OTUD7A: variants seen among roughly 807,000 people sequenced by gnomAD.
OTUD7A encodes the protein OTU deubiquitinase 7A.
Under a neutral mutation model 65.7 loss-of-function variants are expected in OTUD7A, and 12 were observed. That is an observed-to-expected ratio of 0.18 (90% confidence interval 0.12 to 0.30). The LOEUF (loss-of-function observed/expected upper bound fraction) is 0.30, where lower values mean the gene tolerates loss of function less well. Among genes scored for constraint, OTUD7A ranks in the 10% least tolerant of loss-of-function variants. The pLI is 1.00. For synonymous variants in OTUD7A, 641 were observed against 586.3 expected, an observed-to-expected ratio of 1.09 and a Z score of -1.35; for missense variants, 1,148 against 1,304.8, an observed-to-expected ratio of 0.88 and a Z score of 1.85.
At chr15:31,574,829 C>T (rs1157234044) in intron 3 of OTUD7A, among the ~76,000 whole-genome samples, 3 of 152,098 alleles carry the variant, frequency 2.0e-5, no homozygotes, top group African/African-American at 7.2e-5. Context: ...ACCCCTCAAC[C>T]ACAGCCTTTC....
chr15:31,810,923 C>T (rs1371619038), intron 1 of OTUD7A, among the ~76,000 whole-genome samples: 2 of 152,220 alleles, frequency 1.3e-5, no homozygotes, highest in African/African-American at 4.8e-5. Flanking sequence ...ACACAGGGTA[C>T]TCTCTGATGA....
chr15:31,733,743 T>C (rs573441383), intron 1 of OTUD7A, among the ~76,000 whole-genome samples: 2 of 152,300 alleles, frequency 1.3e-5, no homozygotes, highest in Admixed American at 6.5e-5. Flanking sequence ...CAGGATGCTA[T>C]CTGAGTGCTC....
At chr15:31,754,626 A>C (rs1476305003) in intron 1 of OTUD7A, among the ~76,000 whole-genome samples, 1 of 151,886 alleles carries the variant, frequency 6.6e-6, no homozygotes. Flanking sequence ...TACTTTCCCC[A>C]CTTCGTTTTT....
At position 31,771,288 on chromosome 15, in the gene OTUD7A, T is replaced by A. The variant is rs539369558; in HGVS notation, c.-100+99219A>T. ...TGGTCTGGGTACCGGTTTATTGGAC[T>A]ATCTATTTGTCAGCTCCATTTAGAT... is the stretch of plus-strand genomic sequence containing the variant. On this transcript the variant is annotated intron_variant, in intron 1 of 12. Coordinates refer to ENST00000307050, the MANE Select transcript of OTUD7A (RefSeq NM_001382637.1). Among the ~76,000 whole-genome samples, 18 of 152,340 alleles carry A rather than the reference T, an allele frequency of 1.2e-4. 1 individual carries two copies. The highest frequency in any genetic ancestry group is 6.8e-3 in the Middle Eastern group (2 of 294).
At chr15:31,497,455 G>A (rs545437408) in intron 10 of OTUD7A, among the ~76,000 whole-genome samples, 2 of 152,042 alleles carry the variant, frequency 1.3e-5, no homozygotes, top group Non-Finnish European at 2.9e-5. Context: ...TCACCATGTT[G>A]CCCAGACTGG....
intron 1 of OTUD7A, chr15:31,766,567 C>T (rs781008877): frequency 1.0e-4 from 167 of 1,612,928 alleles, no homozygotes; most frequent in Non-Finnish European, 5.3e-5. Flanking sequence ...CTGCCTTGTC[C>T]AACATTTGGT....
intron 1 of OTUD7A, among the ~76,000 whole-genome samples, chr15:31,699,507 A>G (rs1264694935): frequency 1.6e-4 from 25 of 152,152 alleles, no homozygotes; most frequent in Non-Finnish European, 1.2e-4. Flanking sequence ...CTCTGATGTT[A>G]GAGCTGCTCA....
At chr15:31,665,976 G>T (rs930108006) in intron 1 of OTUD7A, among the ~76,000 whole-genome samples, 12 of 151,378 alleles carry the variant, frequency 7.9e-5, no homozygotes, top group Non-Finnish European at 1.3e-4. Flanking sequence ...TTGCGTATGT[G>T]AAATCATCCC....
At chr15:31,718,912 A>C (rs1256907446) in intron 1 of OTUD7A, among the ~76,000 whole-genome samples, 1 of 151,254 alleles carries the variant, frequency 6.6e-6, no homozygotes, top group Non-Finnish European at 1.5e-5. Context: ...TAGGAAAAAA[A>C]AAAAAACTGT....
At chr15:31,512,880 G>C (rs1461178993) in intron 8 of OTUD7A, among the ~76,000 whole-genome samples, 1 of 152,176 alleles carries the variant, frequency 6.6e-6, no homozygotes, top group Non-Finnish European at 1.5e-5. Flanking sequence ...TGTTAGCACA[G>C]GTCTTTGAAT....
intron 3 of OTUD7A, among the ~76,000 whole-genome samples, chr15:31,634,706 T>C (rs1348473872): frequency 5.9e-5 from 9 of 152,252 alleles, no homozygotes; most frequent in Admixed American, 5.9e-4. Flanking sequence ...TGAGTGCCGA[T>C]GACAGCGATG....
chr15:31,724,863 C>A (rs537126135), intron 1 of OTUD7A, among the ~76,000 whole-genome samples: 3 of 152,030 alleles, frequency 2.0e-5, no homozygotes, highest in Non-Finnish European at 4.4e-5. Context: ...CCTGTTGAAG[C>A]CAGCTACAAT....
chr15:31,685,499 AAAC>A (rs1281569740), intron 1 of OTUD7A, among the ~76,000 whole-genome samples: 3 of 152,056 alleles, frequency 2.0e-5, no homozygotes. Context: ...AAAAAACAAA[AAAC>A]AAAAAAATTA....
chr15:31,758,678 T>C (rs554922627), intron 1 of OTUD7A, among the ~76,000 whole-genome samples: 13 of 152,344 alleles, frequency 8.5e-5, no homozygotes, highest in Non-Finnish European at 1.5e-4. Flanking sequence ...GAGGATTATT[T>C]TGCTTCAGCT....
intron 1 of OTUD7A, among the ~76,000 whole-genome samples, chr15:31,829,482 C>A (rs1896879255): frequency 6.6e-6 from 1 of 152,166 alleles, no homozygotes; most frequent in South Asian, 2.1e-4. Flanking sequence ...AAGTGGAGAC[C>A]ATCTTGGCAT....
intron 1 of OTUD7A, among the ~76,000 whole-genome samples, chr15:31,847,027 G>C (rs1001026859): frequency 6.6e-6 from 1 of 152,210 alleles, no homozygotes; most frequent in Non-Finnish European, 1.5e-5. Context: ...GGGAAGGACA[G>C]TCCTCCTCCT....
chr15:31,866,686 A>G (rs1385808917), intron 1 of OTUD7A, among the ~76,000 whole-genome samples: 1 of 152,230 alleles, frequency 6.6e-6, no homozygotes, highest in Non-Finnish European at 1.5e-5. Flanking sequence ...AAGAACCAGC[A>G]TATCTTATTC....
chr15:31,721,796 T>C (rs1263351166), intron 1 of OTUD7A, among the ~76,000 whole-genome samples: 3 of 152,130 alleles, frequency 2.0e-5, no homozygotes, highest in African/African-American at 7.2e-5. Flanking sequence ...AGACCAGGGA[T>C]GCCTGCTCCT....
At chr15:31,736,492 T>C (rs1894196671) in intron 1 of OTUD7A, among the ~76,000 whole-genome samples, 2 of 152,228 alleles carry the variant, frequency 1.3e-5, no homozygotes, top group African/African-American at 4.8e-5. Flanking sequence ...GCTCTTCAGA[T>C]ATATTAACAT....
Sources: gnomAD v4.1 joint callset for allele counts (sites outside exome capture counted in the v4.1 genomes callset) on GRCh38, gnomAD v4.1.1 for gene constraint, MANE v1.5 for transcripts, NCBI Gene and HGNC (gene_info 2026-07-23, HGNC 2026-07-21) for gene names.